Variants in ZFC3H1 observed in about 807,000 individuals in gnomAD.
The protein encoded by ZFC3H1 is zinc finger C3H1 domain-containing protein.
In ZFC3H1, 71 loss-of-function variants were observed where a neutral mutation model predicts 243.7. The observed-to-expected ratio is 0.29, with a 90% CI of 0.24 to 0.36. The LOEUF is 0.36. Ranked by LOEUF, ZFC3H1 falls within the 10% of genes least tolerant of loss-of-function variation. ZFC3H1 has a pLI of 1.00. For synonymous variants in ZFC3H1, 838 were observed against 813.0 expected (o/e 1.03, Z -0.52); for missense variants, 1,966 against 2,317.1 (o/e 0.85, Z 3.11).
chr12:71,613,913 G>A (rs555683909), intron 30 of ZFC3H1, among the ~76,000 whole-genome samples: 2 of 152,138 alleles, frequency 1.3e-5, no homozygotes, highest in Admixed American at 1.3e-4. Context: ...ACATATATAT[G>A]TTTTAGTCTA....
Position 71,641,465 on chromosome 12 carries a change from C to G in ZFC3H1, c.1627+971G>C, listed in dbSNP as rs370784712. Among the ~76,000 whole-genome samples the G allele has an allele frequency of 1.2e-4, 19 of 152,354 alleles. 1 individual carries two copies. In the South Asian group the frequency reaches 3.9e-3, roughly 32 times the overall value. On this transcript the variant is annotated intron_variant, in intron 6 of 34. Coordinates refer to ENST00000378743, the MANE Select transcript of ZFC3H1 (RefSeq NM_144982.5). ...CTGATCATGTGTTCTTCCAAATTCT[C>G]CAGTTCCTGGAATGCCAACTGCGTT...
Position 71,635,169 on chromosome 12 carries a change from T to C in ZFC3H1, c.2238+274A>G, listed in dbSNP as rs539524627. 9.2e-4 allele frequency among the ~76,000 whole-genome samples: 140 copies of C among 152,254 alleles called. 2 individuals carry two copies. The highest frequency in any genetic ancestry group is 3.1e-3 in the African/African-American group (130 of 41,576). On this transcript the variant is annotated intron_variant, in intron 10 of 34. Transcript: ENST00000378743. ...CACAACTCTAAAACAACAGTCTCCT[T>C]ACTACACAGAACAATTATCCAACCA...
chr12:71,629,591 A>ACACACACT lies in ZFC3H1; in HGVS notation c.3826+17_3826+18insAGTGTGTG, dbSNP rs752537009. 5.2e-5 allele frequency: 77 copies of ACACACACT among 1,481,434 alleles called. No individual in the cohort carries two copies. In the Middle Eastern group the frequency reaches 8.7e-4, roughly 17 times the overall value. The allele number at this position is 1,481,434 out of a possible 1,614,324, so 91.8% of individuals were successfully genotyped here. A position where few individuals can be genotyped will look rare whatever the true frequency, so the allele number is the denominator to read the frequency against. On this transcript the variant is annotated intron_variant, in intron 19 of 34. Transcript: ENST00000378743. ...CACACACACACACACACACACACAC[A>ACACACACT]CTTATATATGTACTTACTATGACCT...
intron 11 of ZFC3H1, 126 bp from the exon 12 acceptor site, chr12:71,634,430 T>C (rs1169189685): frequency 8.5e-7 from 1 of 1,182,934 alleles, no homozygotes; most frequent in Non-Finnish European, 1.2e-6. Context: ...TGATGACCAA[T>C]ATGCAAGACC....
chr12:71,661,304 A>AG (rs1447985195), intron 1 of ZFC3H1, among the ~76,000 whole-genome samples: 22 of 151,738 alleles, frequency 1.4e-4, no homozygotes, highest in African/African-American at 5.3e-4. Flanking sequence ...TGTCTCAAAA[A>AG]TAAATAAATA....
At chr12:71,650,940 C>A (rs1880868443) in intron 2 of ZFC3H1, among the ~76,000 whole-genome samples, 1 of 152,174 alleles carries the variant, frequency 6.6e-6, no homozygotes, top group African/African-American at 2.4e-5. Flanking sequence ...ATTATTCATT[C>A]CCCTCACTCT....
chr12:71,629,442 C>T (rs1220351989), intron 19 of ZFC3H1, among the ~76,000 whole-genome samples, 167 bp downstream of exon 19: 3 of 151,970 alleles, frequency 2.0e-5, no homozygotes, highest in African/African-American at 2.4e-5. Flanking sequence ...GCTGGGATTA[C>T]AGGCGTGAGC....
chr12:71,625,938 C>T (rs535126518), intron 22 of ZFC3H1, among the ~76,000 whole-genome samples: 1 of 152,188 alleles, frequency 6.6e-6, no homozygotes, highest in South Asian at 2.1e-4. Context: ...TTTGCAAAAG[C>T]TACACTTAAC....
At chr12:71,626,787 C>T (rs1222444618) in intron 21 of ZFC3H1, among the ~76,000 whole-genome samples, 2 of 152,068 alleles carry the variant, frequency 1.3e-5, no homozygotes, top group African/African-American at 4.8e-5. Context: ...TTTGGGAATG[C>T]GAAAAGTTAA....
intron 2 of ZFC3H1, chr12:71,656,427 C>A (rs1243274797): frequency 1.7e-6 from 1 of 582,538 alleles, no homozygotes; most frequent in Non-Finnish European, 3.0e-6. Context: ...TAATTCATTA[C>A]ACTAACAAAT....
At chr12:71,619,254 A>C in intron 27 of ZFC3H1, 61 bp downstream of exon 27, 1 of 1,457,592 alleles carries the variant, frequency 6.9e-7, no homozygotes. Context: ...AAAAACTGTA[A>C]TCTTTCTACT....
At chr12:71,628,141 A>C (rs2137530441) in intron 20 of ZFC3H1, among the ~76,000 whole-genome samples, 1 of 152,312 alleles carries the variant, frequency 6.6e-6, no homozygotes, top group African/African-American at 2.4e-5. Flanking sequence ...GCTACTAAAA[A>C]TTACACCAGA....
Position 71,663,513 on chromosome 12 carries a change from T to A in ZFC3H1, c.98A>T (p.Asn33Ile). The part of the protein sequence containing the change: ...EDGEISDDDN[N>I]SQIRSRSSSS... ...GCTGCTCCGACTCCGTATCTGGCTG[T>A]TATTATCGTCGTCACTGATTTCCCC... The change falls in exon 1 of 35, where the codon AAC becomes ATC. Residue 33 changes from asparagine to isoleucine, a missense_variant. Asn to Ile is a moderately radical substitution (Grantham distance 149). Transcript: ENST00000378743. 2 of 1,613,580 alleles carry A rather than the reference T, an allele frequency of 1.2e-6. No individual in the cohort carries two copies. The highest frequency in any genetic ancestry group is 4.5e-5 in the East Asian group (2 of 44,880).
intron 11 of ZFC3H1, 71 bp from the exon 12 acceptor site, chr12:71,634,375 A>C: frequency 1.3e-6 from 2 of 1,485,848 alleles, no homozygotes; most frequent in Non-Finnish European, 1.8e-6. Context: ...AATGTATTCT[A>C]TTTCATGCAG....
chr12:71,650,435 T>A lies in ZFC3H1; in HGVS notation c.1016-2622A>T, dbSNP rs141941093. Among the ~76,000 whole-genome samples the A allele has an allele frequency of 9.1e-3, 1,385 of 151,856 alleles. 7 individuals are homozygous for A. Among genetic ancestry groups the A allele is most frequent in the Middle Eastern group, 0.027 (8 of 294 alleles). ...TCTGTACAATAAAATTATCTCAAGTTTTACTCAAAACCTCCAAAATGAACA... is the reference window on the plus strand; with the variant it reads ...TCTGTACAATAAAATTATCTCAAGTATTACTCAAAACCTCCAAAATGAACA... On this transcript the variant is annotated intron_variant, in intron 2 of 34. Transcript: ENST00000378743.
At chr12:71,636,185 G>A (rs1006475308) in intron 9 of ZFC3H1, among the ~76,000 whole-genome samples, 1 of 152,030 alleles carries the variant, frequency 6.6e-6, no homozygotes, top group African/African-American at 2.4e-5. Context: ...CAAAAAGATA[G>A]AAAATCTGAA....
At position 71,631,054 on chromosome 12, in the gene ZFC3H1, C is replaced by G. The variant is rs1163865741; in HGVS notation, c.3471-100G>C. The G allele has an allele frequency of 3.2e-6, 4 of 1,257,562 alleles. No homozygotes were observed. In the Admixed American group the frequency reaches 1.1e-4, roughly 34 times the overall value. The allele number at this position is 1,257,562 out of a possible 1,614,324, so 77.9% of individuals were successfully genotyped here. A position where few individuals can be genotyped will look rare whatever the true frequency, so the allele number is the denominator to read the frequency against. ...TCTTTCTCAAGTTAAAATTTCCATGCTTACTATTTATGAGCTATTTATCTA... is the reference window on the plus strand; with the variant it reads ...TCTTTCTCAAGTTAAAATTTCCATGGTTACTATTTATGAGCTATTTATCTA... On this transcript the variant is annotated intron_variant, in intron 16 of 34. Coordinates refer to ENST00000378743, the MANE Select transcript of ZFC3H1 (RefSeq NM_144982.5).
intron 19 of ZFC3H1, 132 bp downstream of exon 19, chr12:71,629,477 T>A: frequency 1.7e-6 from 1 of 602,926 alleles, no homozygotes; most frequent in Non-Finnish European, 2.9e-6. Context: ...TGGAATGATA[T>A]GTATTACATT....
At chr12:71,619,836 T>G in intron 26 of ZFC3H1, 90 bp downstream of exon 26, 1 of 1,218,438 alleles carries the variant, frequency 8.2e-7, no homozygotes, top group Non-Finnish European at 1.1e-6. Context: ...TTGCAAAGGG[T>G]AAAAGGACCA....
Sources: allele counts gnomAD v4.1 joint callset (sites outside exome capture counted in the v4.1 genomes callset), GRCh38; gene constraint gnomAD v4.1.1; transcripts MANE v1.5; gene names NCBI Gene and HGNC (gene_info 2026-07-23, HGNC 2026-07-21).